POU6F2: variants seen among roughly 807,000 people sequenced by gnomAD.
The protein encoded by POU6F2 is POU domain, class 6, transcription factor 2.
In POU6F2, 31 loss-of-function variants were observed where a neutral mutation model predicts 71.3. The observed-to-expected ratio is 0.43, with a 90% CI of 0.33 to 0.59. The LOEUF (loss-of-function observed/expected upper bound fraction) is 0.59. POU6F2 is among the 20% of genes least tolerant of loss of function. POU6F2 has a pLI of 0.04. For missense variants in POU6F2, 783 were observed against 856.8 expected (o/e 0.91, Z 1.07); for synonymous variants, 347 against 355.7 (o/e 0.98, Z 0.27).
chr7:39,076,075 T>C (rs1016543443), intron 1 of POU6F2, among the ~76,000 whole-genome samples: 2 of 152,150 alleles, frequency 1.3e-5, no homozygotes, highest in Non-Finnish European at 2.9e-5. Context: ...CTCGGCTTCA[T>C]ATTATGTAGT....
intron 5 of POU6F2, among the ~76,000 whole-genome samples, chr7:39,400,668 G>C (rs987146814): frequency 2.6e-5 from 4 of 152,100 alleles, no homozygotes; most frequent in Admixed American, 2.6e-4. Flanking sequence ...TCTGTTTCTG[G>C]GAAAGCTGAC....
At chr7:39,222,986 T>A (rs1794399320) in intron 4 of POU6F2, among the ~76,000 whole-genome samples, 1 of 152,234 alleles carries the variant, frequency 6.6e-6, no homozygotes, top group African/African-American at 2.4e-5. Context: ...CCATAGCAGC[T>A]GTGCCATTTT....
chr7:39,304,859 T>A (rs1785020822), intron 4 of POU6F2, among the ~76,000 whole-genome samples: 1 of 152,242 alleles, frequency 6.6e-6, no homozygotes, highest in African/African-American at 2.4e-5. Context: ...CCCTGAGCGA[T>A]GATTAACCAT....
intron 4 of POU6F2, among the ~76,000 whole-genome samples, chr7:39,243,723 A>G (rs1034237084): frequency 1.3e-5 from 2 of 151,810 alleles, no homozygotes; most frequent in Admixed American, 1.3e-4. Context: ...TAGAGGTTTT[A>G]TATTGTAAGG....
At chr7:39,225,120 A>G (rs1794436868) in intron 4 of POU6F2, among the ~76,000 whole-genome samples, 1 of 152,258 alleles carries the variant, frequency 6.6e-6, no homozygotes, top group Non-Finnish European at 1.5e-5. Flanking sequence ...GGGAGAAATC[A>G]GGAATGTTAT....
chr7:39,428,415 G>A (rs1788021690), intron 6 of POU6F2, among the ~76,000 whole-genome samples: 1 of 152,184 alleles, frequency 6.6e-6, no homozygotes, highest in South Asian at 2.1e-4. Context: ...CCTGGTTAAA[G>A]CATTTTTCAG....
rs117452185 is a variant in POU6F2, at chr7:39,400,100, G to A, written c.973-6500G>A. Among the ~76,000 whole-genome samples the A allele has an allele frequency of 1.6e-4, 25 of 152,230 alleles. No homozygotes were observed. The South Asian group carries it at 2.1e-3, about 13-fold the overall frequency. On this transcript the variant is annotated intron_variant, in intron 5 of 9. Transcript: ENST00000518318. ...AGCCTCTCTTCCCTCTCCTTCGTTC[G>A]GGAGTGGGGCTGCAAGTTCTATCCC...
At chr7:39,385,050 A>G (rs1385430134) in intron 5 of POU6F2, among the ~76,000 whole-genome samples, 1 of 152,246 alleles carries the variant, frequency 6.6e-6, no homozygotes, top group Non-Finnish European at 1.5e-5. Context: ...GAGAGAACTT[A>G]TAATCAAAAA....
At position 39,464,241 on chromosome 7, in the gene POU6F2, C is replaced by G. The variant is rs772384768; in HGVS notation, c.1718C>G (p.Ala573Gly). 7 of 1,613,878 alleles carry G rather than the reference C, an allele frequency of 4.3e-6. No homozygotes were observed. The East Asian group carries it at 1.6e-4, about 36-fold the overall frequency. The change falls in exon 10 of 10, where the codon GCT becomes GGT. Residue 573 changes from alanine to glycine, a missense_variant. This residue lies in a region of POU6F2 where 211 missense variants were observed against 283.9 expected (regional missense o/e 0.74). Transcript: ENST00000518318. The surrounding 1 kb of genome is among the most constrained non-coding windows in gnomAD (Gnocchi z 4.1). ...CAGGAAGCCCAAGAGAACACTATAGCTAGCAGTCTGACAGCCAAACTGAAC... is the reference window on the plus strand; with the variant it reads ...CAGGAAGCCCAAGAGAACACTATAGGTAGCAGTCTGACAGCCAAACTGAAC... ...LPQEAQENTIASSLTAKLNPG... is the reference protein window; with the variant it reads ...LPQEAQENTIGSSLTAKLNPG...
intron 5 of POU6F2, among the ~76,000 whole-genome samples, chr7:39,374,561 A>ATATC (rs1786674034): frequency 3.3e-5 from 5 of 152,192 alleles, no homozygotes; most frequent in Non-Finnish European, 7.4e-5. Flanking sequence ...ATATTCAAGA[A>ATATC]TGCTTTTAGG....
chr7:39,200,881 G>T (rs573312174), intron 2 of POU6F2, among the ~76,000 whole-genome samples: 4 of 151,258 alleles, frequency 2.6e-5, no homozygotes, highest in South Asian at 4.2e-4. Flanking sequence ...GAAAAAATTA[G>T]CTGGGTGTAG....
At chr7:39,267,958 CT>C (rs772141472) in intron 4 of POU6F2, among the ~76,000 whole-genome samples, 81 of 152,310 alleles carry the variant, frequency 5.3e-4, no homozygotes, top group Non-Finnish European at 9.3e-4. Flanking sequence ...ACACAGCTTG[CT>C]TGTGAGGAGA....
intron 2 of POU6F2, among the ~76,000 whole-genome samples, chr7:39,086,488 T>C (rs1791248413): frequency 6.6e-6 from 1 of 152,180 alleles, no homozygotes; most frequent in Non-Finnish European, 1.5e-5. Context: ...CAAGTCGTGC[T>C]ATGCCAGGTA....
At chr7:39,364,285 G>A (rs1786453417) in intron 5 of POU6F2, among the ~76,000 whole-genome samples, 1 of 150,488 alleles carries the variant, frequency 6.6e-6, no homozygotes, top group Non-Finnish European at 1.5e-5. Context: ...TATTTCCATA[G>A]GTTATTGGGG....
rs575574380 is a variant in POU6F2 at position 39,134,566 on chromosome 7, T to G, written c.277+48535T>G. On this transcript the variant is annotated intron_variant, in intron 2 of 9. Transcript: ENST00000518318. ...GAAAGTGTGGTCTAAACTTTAATCCTGCTGCCAACTTTTGATGACTACTTG... is the reference window on the plus strand; with the variant it reads ...GAAAGTGTGGTCTAAACTTTAATCCGGCTGCCAACTTTTGATGACTACTTG... Among the ~76,000 whole-genome samples, 126 of 152,378 alleles carry G rather than the reference T, an allele frequency of 8.3e-4. 1 individual carries two copies. The highest frequency in any genetic ancestry group is 2.7e-3 in the African/African-American group (113 of 41,590).
chr7:39,291,099 C>G (rs1784748848), intron 4 of POU6F2, among the ~76,000 whole-genome samples: 1 of 150,442 alleles, frequency 6.6e-6, no homozygotes, highest in Admixed American at 6.6e-5. Flanking sequence ...AAGTTTTTAT[C>G]TGGCTGTGGA....
intron 2 of POU6F2, among the ~76,000 whole-genome samples, chr7:39,199,630 A>G (rs2128744676): frequency 6.6e-6 from 1 of 152,260 alleles, no homozygotes; most frequent in Non-Finnish European, 1.5e-5. Flanking sequence ...TCAGGAGGGC[A>G]CTGAAGAAAG....
At chr7:38,996,037 T>A (rs890153576) in intron 1 of POU6F2, among the ~76,000 whole-genome samples, 1 of 6,940 alleles carries the variant, frequency 1.4e-4, no homozygotes, top group Non-Finnish European at 3.1e-4. Context: ...GGGCTTGGCT[T>A]TTTTTTTTTT....
intron 4 of POU6F2, among the ~76,000 whole-genome samples, chr7:39,216,833 G>A (rs1217703428): frequency 6.6e-6 from 1 of 152,084 alleles, no homozygotes; most frequent in African/African-American, 2.4e-5. Context: ...AAACAGTGTT[G>A]TTTGCTCAGT....
Sources: gnomAD v4.1 joint callset for allele counts (sites outside exome capture counted in the v4.1 genomes callset) on GRCh38, gnomAD v4.1.1 for gene constraint, gnomAD v4.1.1 regional missense constraint, Gnocchi (gnomAD v3.1) non-coding constraint, MANE v1.5 for transcripts, NCBI Gene and HGNC (gene_info 2026-07-23, HGNC 2026-07-21) for gene names.